TAF1: variants seen among roughly 807,000 people sequenced by gnomAD.
TAF1 encodes transcription initiation factor TFIID subunit 1.
In TAF1, 2 loss-of-function variants were observed where a neutral mutation model predicts 138.5. The ratio of observed to expected loss-of-function variants is 0.01; its 90% CI spans 0.01 to 0.05. The LOEUF is 0.05. Ranked by LOEUF, TAF1 falls within the 10% of genes least tolerant of loss-of-function variation. The pLI is 1.00. For missense variants in TAF1, 709 were observed against 1,478.0 expected, an observed-to-expected ratio of 0.48 and a Z score of 8.53; for synonymous variants, 437 against 503.2, an observed-to-expected ratio of 0.87 and a Z score of 1.76.
At chrX:71,479,729 T>C (rs1278873205) in intron 13 of TAF1, among the ~76,000 whole-genome samples, 1 of 111,759 alleles carries the variant, frequency 8.9e-6, no homozygotes, top group Non-Finnish European at 1.9e-5. Context: ...ACTTAGATGT[T>C]CATTTTCTTA....
At position 71,486,505 on chromosome X, in the gene TAF1, C is replaced by T. The variant is rs1179426076; in HGVS notation, c.1366+25702C>T. On this transcript the variant is annotated intron_variant and NMD_transcript_variant, in intron 13 of 14. Transcript: ENST00000373775. ...CAGTAGCTGGGACTACAGGTGCACA[C>T]CACCACGCCTGGCTATCTTTTTTTT... Among the ~76,000 whole-genome samples, 4 of 108,697 alleles carry T rather than the reference C, an allele frequency of 3.7e-5. No homozygotes were observed. In the Admixed American group the frequency reaches 4.0e-4, roughly 11 times the overall value. 94.4% of individuals were successfully genotyped at this position (108,697 alleles called of 115,157 possible).
At chrX:71,485,464 T>G (rs1462539563) in intron 13 of TAF1, among the ~76,000 whole-genome samples, 1 of 112,225 alleles carries the variant, frequency 8.9e-6, no homozygotes, top group Non-Finnish European at 1.9e-5. Context: ...ATAAGGGCTC[T>G]GATTTCCTCA....
chrX:71,381,997 A>G, intron 9 of TAF1, 78 bp downstream of exon 9: 1 of 1,062,800 alleles, frequency 9.4e-7, no homozygotes, highest in Non-Finnish European at 1.2e-6. Context: ...AGGAAATCAG[A>G]AGGGTTGGAG....
intron 13 of TAF1, 130 bp downstream of exon 13, chrX:71,384,265 TTTA>T (rs2034077007): frequency 1.3e-6 from 1 of 752,781 alleles, no homozygotes; most frequent in Non-Finnish European, 1.9e-6. Context: ...ATACAAATTT[TTTA>T]TTATTAACGT....
chrX:71,468,037 G>T (rs780761406), downstream of TAF1, among the ~76,000 whole-genome samples: 1 of 110,801 alleles, frequency 9.0e-6, no homozygotes, highest in Non-Finnish European at 1.9e-5. Context: ...TGGGTGAATC[G>T]CTTGAGCCTG....
chrX:71,379,894 G>T (rs762499789), intron 8 of TAF1, among the ~76,000 whole-genome samples: 1 of 111,259 alleles, frequency 9.0e-6, no homozygotes, highest in Admixed American at 9.6e-5. Flanking sequence ...GAGCCACCAC[G>T]CCTGGCCTGA....
intron 32 of TAF1, among the ~76,000 whole-genome samples, chrX:71,443,545 G>T (rs1014088356): frequency 2.7e-5 from 3 of 111,709 alleles, no homozygotes; most frequent in African/African-American, 9.8e-5. Context: ...TTGCTTATCA[G>T]CTTAAGGAGA....
chrX:71,374,946 G>C (rs951451357), intron 3 of TAF1, among the ~76,000 whole-genome samples: 1 of 108,829 alleles, frequency 9.2e-6, no homozygotes, highest in African/African-American at 3.3e-5. Context: ...TTAGCTGGGC[G>C]TGGTGGCACA....
chrX:71,519,697 G>T (rs1446898230), intron 13 of TAF1, among the ~76,000 whole-genome samples: 1 of 111,946 alleles, frequency 8.9e-6, no homozygotes, highest in Non-Finnish European at 1.9e-5. Context: ...TTATAAAAAG[G>T]TTAAAGAGTA....
Position 71,368,183 on chromosome X carries a change from T to G in TAF1, c.352+13T>G, listed in dbSNP as rs1224464373. The G allele has an allele frequency of 2.5e-6, 3 of 1,203,142 alleles. No individual in the cohort carries two copies. Among genetic ancestry groups the G allele is most frequent in the East Asian group, 3.0e-5 (1 of 33,816 alleles). ...CTTTGCCACTCAGGTGATTCTTTGG[T>G]GTATTGGCTTGAACATTCCAGTGCA... On this transcript the variant is annotated intron_variant, in intron 3 of 37. Transcript: ENST00000423759.
chrX:71,395,176 TG>T (rs1287634081), intron 22 of TAF1, among the ~76,000 whole-genome samples: 1 of 111,789 alleles, frequency 8.9e-6, no homozygotes, highest in Non-Finnish European at 1.9e-5. Flanking sequence ...GATTTCACTC[TG>T]GGATTACTAG....
At chrX:71,503,328 GTATATATATATATATGTGTA>G (rs1287461177) in intron 13 of TAF1, among the ~76,000 whole-genome samples, 1 of 88,814 alleles carries the variant, frequency 1.1e-5, no homozygotes, top group African/African-American at 4.7e-5. Flanking sequence ...ATATGTGTGT[GTATATATATATATATGTGTA>G]TATATATATA....
intron 1 of TAF1, 135 bp downstream of exon 1, chrX:71,366,629 C>T (rs767778930): frequency 4.4e-6 from 3 of 681,341 alleles, no homozygotes; most frequent in Non-Finnish European, 6.4e-6. Flanking sequence ...ATCCCGTCCT[C>T]ATGGGTGCGG....
chrX:71,434,316 ATTT>A (rs2037034916), intron 32 of TAF1, among the ~76,000 whole-genome samples: 1 of 112,650 alleles, frequency 8.9e-6, no homozygotes, highest in Non-Finnish European at 1.9e-5. Context: ...CTACTTTAAA[ATTT>A]TTATTTTGTA....
In TAF1 at chrX:71,384,932, G is replaced by T. The variant is rs2034126602; in HGVS notation, c.2122-13G>T. 8.5e-7 allele frequency: 1 copy of T among 1,176,439 alleles called. No individual in the cohort carries two copies. The highest frequency in any genetic ancestry group is 3.0e-5 in the East Asian group (1 of 33,668). On this transcript the variant is annotated splice_polypyrimidine_tract_variant and intron_variant, in intron 13 of 37. Coordinates refer to ENST00000423759, the MANE Select transcript of TAF1 (RefSeq NM_004606.5). Reference sequence around the variant, plus strand: ...TATATTCTAAATAACTGGGTCTTCTGTGTTCCTTATAGAAACCTGGAAAAG... The same window carrying T: ...TATATTCTAAATAACTGGGTCTTCTTTGTTCCTTATAGAAACCTGGAAAAG...
intron 32 of TAF1, chrX:71,441,657 T>C (rs1036827520): frequency 4.9e-5 from 15 of 303,842 alleles, no homozygotes; most frequent in African/African-American, 4.2e-4. Flanking sequence ...CTAGAACTGA[T>C]TTCTCCTATC....
At chrX:71,469,499 G>A (rs1426985506), downstream of TAF1, among the ~76,000 whole-genome samples, 3 of 108,465 alleles carry the variant, frequency 2.8e-5, no homozygotes, top group Non-Finnish European at 5.7e-5. Context: ...TTCAAGACCA[G>A]CCTAGCAACA....
chrX:71,387,165 G>A, intron 14 of TAF1, 96 bp from the exon 15 acceptor site: 1 of 897,111 alleles, frequency 1.1e-6, no homozygotes, highest in Non-Finnish European at 1.6e-6. Flanking sequence ...GCGTAATTAA[G>A]ATGGAGAGCA....
At chrX:71,396,483 G>A (rs770026384) in intron 22 of TAF1, among the ~76,000 whole-genome samples, 4 of 108,320 alleles carry the variant, frequency 3.7e-5, no homozygotes, top group African/African-American at 1.3e-4. Flanking sequence ...TGTAGAGACA[G>A]TGTCTTCTCT....
Sources: gnomAD v4.1 joint callset for allele counts (sites outside exome capture counted in the v4.1 genomes callset) on GRCh38, gnomAD v4.1.1 for gene constraint, MANE v1.5 for transcripts, NCBI Gene and HGNC (gene_info 2026-07-23, HGNC 2026-07-21) for gene names.